The following RYR3 variants were observed in gnomAD, a reference collection of about 807,000 sequenced individuals.
The protein encoded by RYR3 is ryanodine receptor 3.
A neutral mutation model predicts 584.3 loss-of-function variants in RYR3; 207 were observed. That is an observed-to-expected ratio of 0.35 (90% CI 0.32 to 0.40). The LOEUF (loss-of-function observed/expected upper bound fraction) is 0.40. RYR3 is among the 10% of genes least tolerant of loss of function. RYR3 has a pLI of 1.00. For synonymous variants in RYR3, 2,416 were observed against 2,248.5 expected (o/e 1.07, Z -2.11); for missense variants, 5,616 against 6,089.2 (o/e 0.92, Z 2.59).
intron 102 of RYR3, among the ~76,000 whole-genome samples, chr15:33,861,663 C>T (rs1403079958): frequency 2.6e-5 from 4 of 152,122 alleles, no homozygotes; most frequent in Non-Finnish European, 5.9e-5. Context: ...CCCACTACAT[C>T]ATAATATTGG....
chr15:33,401,920 A>G (rs2042701131), intron 1 of RYR3, among the ~76,000 whole-genome samples: 1 of 152,210 alleles, frequency 6.6e-6, no homozygotes, highest in African/African-American at 2.4e-5. Flanking sequence ...TGTGTTTTCC[A>G]AATTTGAGTA....
chr15:33,508,975 G>A (rs1218452439), intron 3 of RYR3, among the ~76,000 whole-genome samples: 3 of 152,160 alleles, frequency 2.0e-5, no homozygotes, highest in Non-Finnish European at 4.4e-5. Context: ...TAAACGGCCA[G>A]TGAAGCGTAA....
chr15:33,539,430 A>G lies in RYR3; in HGVS notation c.514A>G (p.Ile172Val), dbSNP rs2055618099. Residue 172 changes from isoleucine to valine, a missense_variant, in exon 6 of 104, where the codon ATC becomes GTC. Physicochemically the swap from Ile to Val is conservative, Grantham distance 29. Coordinates refer to ENST00000634891, the MANE Select transcript of RYR3 (RefSeq NM_001036.6). ...GAAAGTTCGAATTGGCGATGACCTCATCCTCGTCAGCGTGTCCTCTGAAAG... is the reference window on the plus strand; with the variant it reads ...GAAAGTTCGAATTGGCGATGACCTCGTCCTCGTCAGCGTGTCCTCTGAAAG... ...GEKVRIGDDL[I>V]LVSVSSERYL... The G allele has an allele frequency of 6.2e-7, 1 of 1,601,182 alleles. No homozygotes were observed. The highest frequency in any genetic ancestry group is 8.5e-7 in the Non-Finnish European group (1 of 1,172,986).
chr15:33,835,916 A>G (rs1474922234), intron 87 of RYR3, among the ~76,000 whole-genome samples: 1 of 152,112 alleles, frequency 6.6e-6, no homozygotes, highest in Non-Finnish European at 1.5e-5. Flanking sequence ...TTGGAAAGCC[A>G]CTTTCCCTTT....
chr15:33,831,151 C>G, intron 86 of RYR3, 60 bp downstream of exon 86: 1 of 1,498,850 alleles, frequency 6.7e-7, no homozygotes, highest in Non-Finnish European at 9.1e-7. Flanking sequence ...TGCCTGTATT[C>G]TATATTCCCT....
chr15:33,764,934 G>A (rs1383782127), intron 60 of RYR3, among the ~76,000 whole-genome samples: 1 of 150,828 alleles, frequency 6.6e-6, no homozygotes, highest in African/African-American at 2.4e-5. Context: ...AGGAGGCTGA[G>A]GCAGGAGAAT....
chr15:33,857,357 T>G lies in RYR3; in HGVS notation c.14008-423T>G, dbSNP rs144810646. Among the ~76,000 whole-genome samples the G allele has an allele frequency of 1.3e-3, 202 of 152,104 alleles. 2 individuals are homozygous for G. The highest frequency in any genetic ancestry group is 4.7e-3 in the African/African-American group (194 of 41,484). On this transcript the variant is annotated intron_variant, in intron 98 of 103. Coordinates refer to ENST00000634891, the MANE Select transcript of RYR3 (RefSeq NM_001036.6). ...CACGTGTGCCTGTGTCTAGCCTCTC[T>G]CTCTGTGTCTCCAACTCCTTTTCTT... is the stretch of plus-strand genomic sequence containing the variant.
At chr15:33,609,116 T>C (rs1041960515) in intron 18 of RYR3, among the ~76,000 whole-genome samples, 1 of 152,250 alleles carries the variant, frequency 6.6e-6, no homozygotes, top group African/African-American at 2.4e-5. Flanking sequence ...GATTCAACTT[T>C]GGCAGTTTTG....
rs565816855 is a variant in RYR3 at position 33,845,134 on chromosome 15, C to G, written c.13497+72C>G. ...AATGTCCTTTTTGAGCCCAGCCAGC[C>G]CTTTGCTCTAAGACTTTGCTAGCCG... On this transcript the variant is annotated intron_variant, in intron 93 of 103. Coordinates refer to ENST00000634891, the MANE Select transcript of RYR3 (RefSeq NM_001036.6). 26 of 1,515,860 alleles carry G rather than the reference C, an allele frequency of 1.7e-5. No individual in the cohort carries two copies. The South Asian group carries it at 2.5e-4, about 15-fold the overall frequency. The allele number at this position is 1,515,860 out of a possible 1,614,324, so 93.9% of individuals were successfully genotyped here. A position where few individuals can be genotyped will look rare whatever the true frequency, so the allele number is the denominator to read the frequency against.
chr15:33,461,205 A>C (rs926289766), intron 1 of RYR3, among the ~76,000 whole-genome samples: 1 of 151,774 alleles, frequency 6.6e-6, no homozygotes, highest in Non-Finnish European at 1.5e-5. Flanking sequence ...CGGCCTCCCA[A>C]AGTGCTGGGA....
rs530370349 is a variant in RYR3 at position 33,437,177 on chromosome 15, A to G, written c.52-36242A>G. Among the ~76,000 whole-genome samples, 5 of 152,048 alleles carry G rather than the reference A, an allele frequency of 3.3e-5. No individual in the cohort carries two copies. The South Asian group carries it at 1.0e-3, about 32-fold the overall frequency. On this transcript the variant is annotated intron_variant, in intron 1 of 103. Coordinates refer to ENST00000634891, the MANE Select transcript of RYR3 (RefSeq NM_001036.6). ...GTGTGAAAATTCAATATGATTGCAAAAAATAGAAAAAAAATAGTGGCCTAT... is the reference window on the plus strand; with the variant it reads ...GTGTGAAAATTCAATATGATTGCAAGAAATAGAAAAAAAATAGTGGCCTAT...
intron 15 of RYR3, among the ~76,000 whole-genome samples, 181 bp from the exon 16 acceptor site, chr15:33,585,817 G>T (rs1283055613): frequency 1.3e-5 from 2 of 152,176 alleles, no homozygotes; most frequent in Non-Finnish European, 2.9e-5. Context: ...TGGCCCCCAG[G>T]GGGCTCTGAA....
chr15:33,849,943 CT>C (rs2078982683), intron 94 of RYR3: 1 of 152,264 alleles, frequency 6.6e-6, no homozygotes, highest in Non-Finnish European at 1.5e-5. Context: ...AGGAAAAGCA[CT>C]GTTTCTGATG....
At chr15:33,372,522 G>A (rs1382692177) in intron 1 of RYR3, among the ~76,000 whole-genome samples, 1 of 151,756 alleles carries the variant, frequency 6.6e-6, no homozygotes, top group East Asian at 1.9e-4. Flanking sequence ...CCGCCACCAC[G>A]CCCAGCTAAT....
intron 1 of RYR3, among the ~76,000 whole-genome samples, chr15:33,466,360 A>G (rs910776105): frequency 1.3e-5 from 2 of 152,198 alleles, no homozygotes; most frequent in Admixed American, 1.3e-4. Context: ...TTAAAAAGGA[A>G]AGATAAATAA....
chr15:33,563,072 G>C (rs766109753), intron 11 of RYR3, 62 bp downstream of exon 11: 5 of 1,348,596 alleles, frequency 3.7e-6, no homozygotes, highest in Non-Finnish European at 5.1e-6. Context: ...CTAGGCAATA[G>C]AAGTGATTCT....
intron 3 of RYR3, among the ~76,000 whole-genome samples, chr15:33,512,286 G>A (rs887926922): frequency 2.0e-5 from 3 of 152,166 alleles, no homozygotes; most frequent in African/African-American, 7.2e-5. Flanking sequence ...GAAAAAGCTA[G>A]TTTGATATTT....
At position 33,731,565 on chromosome 15, in the gene RYR3, T is replaced by C; in HGVS notation, c.7295T>C (p.Phe2432Ser). 6.2e-7 allele frequency: 1 copy of C among 1,613,902 alleles called. No individual in the cohort carries two copies. Among genetic ancestry groups the C allele is most frequent in the Non-Finnish European group, 8.5e-7 (1 of 1,179,820 alleles). The change falls in exon 48 of 104, where the codon TTT (phenylalanine) becomes TCT (serine). Residue 2432 changes from phenylalanine to serine, a missense_variant. Phe to Ser is a radical substitution (Grantham distance 155). This residue lies in a region of RYR3 where 1,280 missense variants were observed against 1,426.2 expected (regional missense o/e 0.90). Transcript: ENST00000634891. ...LPLLTRCAPL[F>S]AGTEHCTSLI... Reference sequence around the variant, plus strand: ...CTCCTCACAAGATGTGCCCCTCTCTTTGCCGGAACAGAACACTGCACCTCT... The same window carrying C: ...CTCCTCACAAGATGTGCCCCTCTCTCTGCCGGAACAGAACACTGCACCTCT...
intron 3 of RYR3, among the ~76,000 whole-genome samples, chr15:33,527,535 G>T (rs1360446712): frequency 6.7e-6 from 1 of 148,276 alleles, no homozygotes; most frequent in Non-Finnish European, 1.5e-5. Context: ...AGTGAGCCGA[G>T]ATTGCACCAC....
Sources: gnomAD v4.1 joint callset for allele counts (sites outside exome capture counted in the v4.1 genomes callset) on GRCh38, gnomAD v4.1.1 for gene constraint, gnomAD v4.1.1 regional missense constraint, MANE v1.5 for transcripts, NCBI Gene and HGNC (gene_info 2026-07-23, HGNC 2026-07-21) for gene names.